The following ANKS1B variants were observed in gnomAD, a reference collection of about 807,000 sequenced individuals.
ANKS1B encodes ankyrin repeat and sterile alpha motif domain-containing protein 1B.
In ANKS1B, 36 loss-of-function variants were observed where a neutral mutation model predicts 148.3. The ratio of observed to expected loss-of-function variants is 0.24; its 90% CI spans 0.19 to 0.32. The LOEUF (loss-of-function observed/expected upper bound fraction) is 0.32. Among genes scored for constraint, ANKS1B ranks in the 10% least tolerant of loss-of-function variants. The pLI is 1.00. For synonymous variants in ANKS1B, 542 were observed against 560.8 expected, an observed-to-expected ratio of 0.97 and a Z score of 0.47; for missense variants, 1,157 against 1,542.6, an observed-to-expected ratio of 0.75 and a Z score of 4.19.
chr12:99,771,396 CTG>C (rs2063180472), intron 8 of ANKS1B, among the ~76,000 whole-genome samples: 1 of 152,072 alleles, frequency 6.6e-6, no homozygotes, highest in Admixed American at 6.5e-5. Flanking sequence ...TTCAGAATAT[CTG>C]TGGTTTTACA....
chr12:98,914,100 G>A (rs2099790664), intron 17 of ANKS1B, among the ~76,000 whole-genome samples: 1 of 152,252 alleles, frequency 6.6e-6, no homozygotes, highest in South Asian at 2.1e-4. Flanking sequence ...AATCTGGTGG[G>A]AGGTGTTTGG....
At chr12:99,888,969 A>AACACACAC (rs6144833) in intron 1 of ANKS1B, among the ~76,000 whole-genome samples, 24,641 of 147,110 alleles carry the variant, frequency 0.17, 2,145 homozygotes, top group Non-Finnish European at 0.2. Context: ...CCTTCGCCAA[A>AACACACAC]ACACACACAC....
At chr12:98,909,457 T>C (rs1163974408) in intron 17 of ANKS1B, among the ~76,000 whole-genome samples, 2 of 152,202 alleles carry the variant, frequency 1.3e-5, no homozygotes. Context: ...AAACAGACAT[T>C]CATGTTCCAT....
chr12:99,053,376 T>A, intron 16 of ANKS1B, 67 bp from the exon 17 acceptor site: 1 of 1,264,208 alleles, frequency 7.9e-7, no homozygotes, highest in Non-Finnish European at 1.0e-6. Flanking sequence ...GAATGCAGAT[T>A]TCCCCTTGAA....
At chr12:99,324,716 ATGAAGAGGC>A (rs2085974450) in intron 12 of ANKS1B, among the ~76,000 whole-genome samples, 1 of 152,148 alleles carries the variant, frequency 6.6e-6, no homozygotes, top group African/African-American at 2.4e-5. Context: ...ATTCTTGACT[ATGAAGAGGC>A]TGTACAAAGT....
intron 9 of ANKS1B, among the ~76,000 whole-genome samples, chr12:99,557,342 G>A (rs1005833897): frequency 6.6e-6 from 1 of 152,072 alleles, no homozygotes; most frequent in African/African-American, 2.4e-5. Flanking sequence ...ATTTCTTGAA[G>A]GTTTTGTTCA....
chr12:99,433,522 G>C (rs1402925379), intron 11 of ANKS1B, among the ~76,000 whole-genome samples: 3 of 152,150 alleles, frequency 2.0e-5, no homozygotes, highest in Non-Finnish European at 4.4e-5. Context: ...TGCTGGCCTA[G>C]AGGATTTTTT....
At chr12:99,829,946 A>C (rs1214577155) in intron 1 of ANKS1B, among the ~76,000 whole-genome samples, 1 of 152,214 alleles carries the variant, frequency 6.6e-6, no homozygotes, top group Non-Finnish European at 1.5e-5. Flanking sequence ...ATTTCAATTA[A>C]ACAAACAAAC....
intron 1 of ANKS1B, among the ~76,000 whole-genome samples, chr12:99,927,317 G>C (rs1459478001): frequency 2.0e-5 from 3 of 152,096 alleles, no homozygotes; most frequent in Non-Finnish European, 2.9e-5. Context: ...AACTAGAGAA[G>C]ACACAGTAAA....
At chr12:99,010,212 C>A (rs1406266609) in intron 17 of ANKS1B, among the ~76,000 whole-genome samples, 3 of 152,240 alleles carry the variant, frequency 2.0e-5, no homozygotes, top group African/African-American at 4.8e-5. Flanking sequence ...CTTAGCTCTG[C>A]CCCTTCCTAC....
chr12:99,801,210 T>G (rs1304273720), intron 4 of ANKS1B, among the ~76,000 whole-genome samples: 1 of 152,166 alleles, frequency 6.6e-6, no homozygotes, highest in African/African-American at 2.4e-5. Flanking sequence ...TTCTCTCTTA[T>G]GCACAATCAA....
intron 16 of ANKS1B, among the ~76,000 whole-genome samples, chr12:99,061,117 G>C (rs1480767368): frequency 6.6e-6 from 1 of 152,144 alleles, no homozygotes; most frequent in Non-Finnish European, 1.5e-5. Context: ...GTTAAATTGG[G>C]TTCATGCCTG....
chr12:99,489,467 C>G (rs946801580), intron 10 of ANKS1B, among the ~76,000 whole-genome samples: 2 of 151,900 alleles, frequency 1.3e-5, no homozygotes, highest in African/African-American at 4.8e-5. Context: ...TATTTTTGAG[C>G]TACTAGAAGA....
At chr12:99,677,920 C>T (rs1290488270) in intron 8 of ANKS1B, among the ~76,000 whole-genome samples, 3 of 152,184 alleles carry the variant, frequency 2.0e-5, no homozygotes, top group Non-Finnish European at 4.4e-5. Context: ...TTGCAGTGAG[C>T]TGAGACTGCA....
At chr12:99,756,556 C>T (rs1257620440) in intron 8 of ANKS1B, among the ~76,000 whole-genome samples, 1 of 151,904 alleles carries the variant, frequency 6.6e-6, no homozygotes, top group Non-Finnish European at 1.5e-5. Flanking sequence ...TGAGACTCTT[C>T]AAGAACTAGA....
At chr12:99,156,604 T>C (rs1250214832) in intron 14 of ANKS1B, among the ~76,000 whole-genome samples, 2 of 152,200 alleles carry the variant, frequency 1.3e-5, no homozygotes, top group Non-Finnish European at 1.5e-5. Flanking sequence ...CATAATGGGC[T>C]TTGGTTGGTT....
chr12:99,509,436 G>A (rs548368543), intron 9 of ANKS1B, among the ~76,000 whole-genome samples: 1 of 152,042 alleles, frequency 6.6e-6, no homozygotes, highest in Non-Finnish European at 1.5e-5. Flanking sequence ...CAAATGATAA[G>A]AAAGGGAAAC....
At chr12:99,541,379 C>A (rs13328989) in intron 9 of ANKS1B, among the ~76,000 whole-genome samples, 32,371 of 152,082 alleles carry the variant, frequency 0.21, 3,935 homozygotes, top group South Asian at 0.34. Flanking sequence ...AACAACCTTC[C>A]ACAAAATGCT....
chr12:99,315,242 A>G (rs1229022261), intron 12 of ANKS1B, among the ~76,000 whole-genome samples: 1 of 151,848 alleles, frequency 6.6e-6, no homozygotes, highest in East Asian at 1.9e-4. Context: ...TCATCTCAAA[A>G]AAAAAAAAAA....
Sources: gnomAD v4.1 joint callset for allele counts (sites outside exome capture counted in the v4.1 genomes callset) on GRCh38, gnomAD v4.1.1 for gene constraint, MANE v1.5 for transcripts, NCBI Gene and HGNC (gene_info 2026-07-23, HGNC 2026-07-21) for gene names.